Variants in CDH8 observed in about 807,000 individuals in gnomAD.
CDH8 encodes the protein cadherin 8.
Under a neutral mutation model 68.1 loss-of-function variants are expected in CDH8, and 17 were observed. That is an observed-to-expected ratio of 0.25 (90% CI 0.17 to 0.37). CDH8 has a LOEUF of 0.37. CDH8 is among the 10% of genes least tolerant of loss of function. The pLI is 1.00. For synonymous variants in CDH8, 372 were observed against 365.1 expected, an observed-to-expected ratio of 1.02 and a Z score of -0.21; for missense variants, 763 against 999.3, an observed-to-expected ratio of 0.76 and a Z score of 3.19.
intron 10 of CDH8, among the ~76,000 whole-genome samples, chr16:61,705,396 C>T (rs1166854942): frequency 6.6e-6 from 1 of 152,126 alleles, no homozygotes; most frequent in East Asian, 1.9e-4. Context: ...TAATGGTTTC[C>T]AATAAGCCTG....
chr16:62,003,709 A>G (rs1482263265), intron 2 of CDH8, among the ~76,000 whole-genome samples: 1 of 152,194 alleles, frequency 6.6e-6, no homozygotes, highest in Non-Finnish European at 1.5e-5. Context: ...GTTATCCTCA[A>G]TATCCCTCTC....
chr16:61,964,764 C>T (rs1287172948), intron 2 of CDH8, among the ~76,000 whole-genome samples: 3 of 152,078 alleles, frequency 2.0e-5, no homozygotes, highest in Admixed American at 2.0e-4. Flanking sequence ...AAGTGTTGGC[C>T]CTCTAGATTG....
intron 10 of CDH8, among the ~76,000 whole-genome samples, chr16:61,712,020 A>C (rs1964640297): frequency 6.6e-6 from 1 of 151,662 alleles, no homozygotes; most frequent in Non-Finnish European, 1.5e-5. Context: ...AATATGAAAA[A>C]CCTATAAGAT....
At chr16:61,668,895 C>T (rs1042151568) in intron 10 of CDH8, among the ~76,000 whole-genome samples, 2 of 151,958 alleles carry the variant, frequency 1.3e-5, no homozygotes, top group South Asian at 2.1e-4. Flanking sequence ...AATGTGTGCT[C>T]ATTAACACAT....
chr16:61,675,437 TG>T (rs1195340436), intron 10 of CDH8, among the ~76,000 whole-genome samples: 1 of 100,964 alleles, frequency 9.9e-6, no homozygotes, highest in African/African-American at 3.9e-5. Flanking sequence ...TACCACACTC[TG>T]GGGACTGTGG....
intron 10 of CDH8, among the ~76,000 whole-genome samples, chr16:61,672,554 T>G (rs1963819334): frequency 6.6e-6 from 1 of 152,008 alleles, no homozygotes. Context: ...GTTTTTCATG[T>G]GTAAAATATT....
chr16:62,035,882 C>T (rs1313563030), intron 1 of CDH8, among the ~76,000 whole-genome samples, 198 bp downstream of exon 1: 1 of 152,178 alleles, frequency 6.6e-6, no homozygotes, highest in Admixed American at 6.5e-5. Context: ...AACCTTGAGG[C>T]GTACGTACGT....
intron 8 of CDH8, among the ~76,000 whole-genome samples, chr16:61,768,356 C>T (rs965771958): frequency 7.1e-5 from 8 of 112,142 alleles, no homozygotes; most frequent in African/African-American, 2.1e-4. Flanking sequence ...CTCTCTCTCT[C>T]TCTCTCTCTC....
At chr16:62,009,210 T>TA (rs1449719391) in intron 2 of CDH8, among the ~76,000 whole-genome samples, 1 of 152,100 alleles carries the variant, frequency 6.6e-6, no homozygotes, top group African/African-American at 2.4e-5. Context: ...GCTAAAGGCA[T>TA]AAAGGGGTTA....
chr16:61,809,251 C>CGTA (rs1961880974), intron 7 of CDH8, among the ~76,000 whole-genome samples: 1 of 152,002 alleles, frequency 6.6e-6, no homozygotes, highest in South Asian at 2.1e-4. Flanking sequence ...GGCCCACAGG[C>CGTA]TTACCCCTGG....
chr16:61,662,371 G>C (rs1026998709), intron 10 of CDH8, among the ~76,000 whole-genome samples: 3 of 151,672 alleles, frequency 2.0e-5, no homozygotes, highest in Non-Finnish European at 3.0e-5. Context: ...AGTAAACAGA[G>C]AGTGTGTCCT....
At chr16:62,033,849 C>A (rs1475104493) in intron 1 of CDH8, among the ~76,000 whole-genome samples, 1 of 143,762 alleles carries the variant, frequency 7.0e-6, no homozygotes, top group Non-Finnish European at 1.5e-5. Context: ...CTCAACTCCT[C>A]GCCTTCTTCA....
At chr16:61,937,298 A>G (rs1476529247) in intron 2 of CDH8, among the ~76,000 whole-genome samples, 4 of 152,180 alleles carry the variant, frequency 2.6e-5, no homozygotes, top group African/African-American at 9.6e-5. Flanking sequence ...TTACTATAGC[A>G]TGATTTCTAC....
chr16:61,807,159 C>T (rs1005949591), intron 7 of CDH8, among the ~76,000 whole-genome samples: 36 of 151,196 alleles, frequency 2.4e-4, no homozygotes, highest in Non-Finnish European at 4.1e-4. Context: ...ATGATGAGTT[C>T]GTGTTCTTTG....
At chr16:62,017,971 G>A (rs980843106) in intron 2 of CDH8, among the ~76,000 whole-genome samples, 2 of 152,068 alleles carry the variant, frequency 1.3e-5, no homozygotes, top group African/African-American at 4.8e-5. Flanking sequence ...TAATTTGTCT[G>A]CCACTCCAAC....
chr16:61,813,083 T>C (rs925369298), intron 7 of CDH8, among the ~76,000 whole-genome samples: 1 of 152,146 alleles, frequency 6.6e-6, no homozygotes, highest in African/African-American at 2.4e-5. Flanking sequence ...CCATACCAGG[T>C]GGCTAGGCAG....
At chr16:61,733,954 TATTA>T (rs1959606499) in intron 8 of CDH8, among the ~76,000 whole-genome samples, 1 of 152,050 alleles carries the variant, frequency 6.6e-6, no homozygotes, top group Admixed American at 6.6e-5. Context: ...ATATTATTTT[TATTA>T]ATTCATTCAT....
intron 9 of CDH8, among the ~76,000 whole-genome samples, chr16:61,715,366 G>C (rs1156378304): frequency 6.6e-6 from 1 of 151,528 alleles, no homozygotes; most frequent in Non-Finnish European, 1.5e-5. Context: ...TCTGTTTGTG[G>C]CTCATTGTGT....
chr16:61,791,361 T>C (rs553134301), intron 7 of CDH8, among the ~76,000 whole-genome samples: 1 of 152,138 alleles, frequency 6.6e-6, no homozygotes, highest in South Asian at 2.1e-4. Flanking sequence ...GCCATTTTCC[T>C]GGGGAATAAT....
Sources: allele counts gnomAD v4.1 joint callset (sites outside exome capture counted in the v4.1 genomes callset), GRCh38; gene constraint gnomAD v4.1.1; transcripts MANE v1.5; gene names NCBI Gene and HGNC (gene_info 2026-07-23, HGNC 2026-07-21).